TNFSF4: variants seen among roughly 807,000 people sequenced by gnomAD.
TNFSF4 encodes TNF superfamily member 4.
TNFSF4 carries 4 observed loss-of-function variants against 7.3 expected under a neutral mutation model. That is an observed-to-expected ratio of 0.55 (90% CI 0.27 to 1.25). TNFSF4 has a LOEUF of 1.25. Ranked by LOEUF, TNFSF4 falls within the 50% of genes most tolerant of loss-of-function variation. The pLI is 0.12. For missense variants in TNFSF4, 181 were observed against 208.8 expected, an observed-to-expected ratio of 0.87 and a Z score of 0.82; for synonymous variants, 76 against 83.7, an observed-to-expected ratio of 0.91 and a Z score of 0.50.
chr1:173,446,466 AAACT>A, the TNFSF4 span, among the ~76,000 whole-genome samples: 2 of 152,218 alleles, frequency 1.3e-5, no homozygotes, highest in African/African-American at 4.8e-5. Context: ...ATGAATAAAT[AAACT>A]GTGTGTAATG....
chr1:173,325,208 T>A, the TNFSF4 span, among the ~76,000 whole-genome samples: 6 of 152,158 alleles, frequency 3.9e-5, no homozygotes, highest in Non-Finnish European at 8.8e-5. Flanking sequence ...GGATTAAGAA[T>A]CTCAGTCAAA....
At chr1:173,401,667 A>T in the TNFSF4 span, among the ~76,000 whole-genome samples, 1 of 152,162 alleles carries the variant, frequency 6.6e-6, no homozygotes, top group East Asian at 1.9e-4. Flanking sequence ...GCTTTCCTGT[A>T]TCTCAAGCTA....
chr1:173,247,720 T>C, the TNFSF4 span, among the ~76,000 whole-genome samples: 1 of 152,210 alleles, frequency 6.6e-6, no homozygotes, highest in Non-Finnish European at 1.5e-5. Flanking sequence ...TGTAGGAAAG[T>C]ATAAGTTTAT....
chr1:173,398,672 C>T, the TNFSF4 span, among the ~76,000 whole-genome samples: 4 of 151,954 alleles, frequency 2.6e-5, no homozygotes, highest in Admixed American at 6.6e-5. Flanking sequence ...GTGATCCACC[C>T]GCCTCAGCCT....
the TNFSF4 span, among the ~76,000 whole-genome samples, chr1:173,258,099 G>A: frequency 6.6e-5 from 10 of 151,960 alleles, no homozygotes; most frequent in South Asian, 2.1e-4. Context: ...CGGGAACCAG[G>A]GACAAAGACC....
chr1:173,181,614 C>T (rs554033602), downstream of TNFSF4, among the ~76,000 whole-genome samples: 3 of 152,268 alleles, frequency 2.0e-5, no homozygotes, highest in South Asian at 2.1e-4. Flanking sequence ...ATACTCTGAG[C>T]GCTCAATCTC....
the TNFSF4 span, among the ~76,000 whole-genome samples, chr1:173,279,198 A>G: frequency 1.3e-5 from 2 of 152,240 alleles, no homozygotes; most frequent in East Asian, 3.9e-4. Context: ...ACATTTCAAA[A>G]TCAAATGAAC....
chr1:173,214,521 G>A, the TNFSF4 span, among the ~76,000 whole-genome samples: 1 of 152,108 alleles, frequency 6.6e-6, no homozygotes, highest in African/African-American at 2.4e-5. Flanking sequence ...GGCAACACTG[G>A]AAGAAGAAGA....
chr1:173,226,987 G>A, the TNFSF4 span, among the ~76,000 whole-genome samples: 1 of 152,078 alleles, frequency 6.6e-6, no homozygotes, highest in Non-Finnish European at 1.5e-5. Flanking sequence ...ATTTTATATT[G>A]TGAGAACTTT....
intron 1 of TNFSF4, among the ~76,000 whole-genome samples, chr1:173,190,392 A>C (rs1027646968): frequency 6.6e-6 from 1 of 152,194 alleles, no homozygotes; most frequent in Non-Finnish European, 1.5e-5. Flanking sequence ...ACCTGCCCAC[A>C]CAGACGAGGA....
At chr1:173,278,515 C>T in the TNFSF4 span, among the ~76,000 whole-genome samples, 1 of 152,070 alleles carries the variant, frequency 6.6e-6, no homozygotes, top group Non-Finnish European at 1.5e-5. Flanking sequence ...TTCCCAGCAT[C>T]AGCATGAAAA....
chr1:173,281,394 T>C, the TNFSF4 span, among the ~76,000 whole-genome samples: 1 of 152,120 alleles, frequency 6.6e-6, no homozygotes, highest in Non-Finnish European at 1.5e-5. Context: ...AGTTGTTCCA[T>C]AAATCTAAGC....
At chr1:173,307,013 T>C in the TNFSF4 span, among the ~76,000 whole-genome samples, 1 of 151,914 alleles carries the variant, frequency 6.6e-6, no homozygotes, top group African/African-American at 2.4e-5. Flanking sequence ...ACTCTGAGAA[T>C]CCTACTTATT....
the TNFSF4 span, among the ~76,000 whole-genome samples, chr1:173,381,562 T>A: frequency 6.6e-6 from 1 of 152,168 alleles, no homozygotes; most frequent in African/African-American, 2.4e-5. Flanking sequence ...GAACCCCAAA[T>A]GAGCTCAACT....
At chr1:173,400,756 G>T in the TNFSF4 span, among the ~76,000 whole-genome samples, 1 of 152,226 alleles carries the variant, frequency 6.6e-6, no homozygotes, top group Non-Finnish European at 1.5e-5. Flanking sequence ...TCTGCCCTGT[G>T]ATTAGGTCAG....
At chr1:173,310,999 T>C in the TNFSF4 span, among the ~76,000 whole-genome samples, 4 of 151,976 alleles carry the variant, frequency 2.6e-5, no homozygotes, top group African/African-American at 9.7e-5. Context: ...CCTCACTTTT[T>C]ATATTTTATT....
the TNFSF4 span, among the ~76,000 whole-genome samples, chr1:173,416,578 C>A: frequency 1.1e-5 from 1 of 94,206 alleles, no homozygotes; most frequent in African/African-American, 3.6e-5. Flanking sequence ...CTTCCTTTCA[C>A]TGAGGACATT....
chr1:173,428,350 G>A, the TNFSF4 span, among the ~76,000 whole-genome samples: 2 of 152,180 alleles, frequency 1.3e-5, no homozygotes, highest in Non-Finnish European at 2.9e-5. Flanking sequence ...AGAAAATGGA[G>A]GATACTGTTA....
the TNFSF4 span, chr1:173,175,611 C>T: frequency 6.6e-6 from 1 of 152,172 alleles, no homozygotes. Flanking sequence ...AGTTATAGCA[C>T]AACTTGTGCT....
Sources: allele counts gnomAD v4.1 joint callset (sites outside exome capture counted in the v4.1 genomes callset), GRCh38; gene constraint gnomAD v4.1.1; transcripts MANE v1.5; gene names NCBI Gene and HGNC (gene_info 2026-07-23, HGNC 2026-07-21).